The following RPAP2 variants were observed in gnomAD, a reference collection of about 807,000 sequenced individuals.
The protein encoded by RPAP2 is RNA polymerase II associated protein 2.
In RPAP2, 52 loss-of-function variants were observed where a neutral mutation model predicts 73.1. The ratio of observed to expected loss-of-function variants is 0.71; its 90% CI spans 0.57 to 0.90. RPAP2 has a LOEUF of 0.90. Among genes scored for constraint, RPAP2 ranks in the 40% least tolerant of loss-of-function variants. RPAP2 has a pLI of 0.00. For missense variants in RPAP2, 598 were observed against 701.8 expected (o/e 0.85, Z 1.67); for synonymous variants, 225 against 242.1 (o/e 0.93, Z 0.65).
chr1:92,356,585 A>ATTGTTTTTTTTT (rs763439308), intron 11 of RPAP2, among the ~76,000 whole-genome samples: 1 of 51,784 alleles, frequency 1.9e-5, no homozygotes, highest in African/African-American at 4.7e-5. Flanking sequence ...CTCCTGGCTA[A>ATTGTTTTTTTTT]TTTTTTTTTT....
chr1:92,355,063 T>A (rs1416400811), intron 11 of RPAP2, among the ~76,000 whole-genome samples: 1 of 151,988 alleles, frequency 6.6e-6, no homozygotes, highest in Non-Finnish European at 1.5e-5. Context: ...CATACCCAGC[T>A]AATTATTATT....
intron 11 of RPAP2, among the ~76,000 whole-genome samples, chr1:92,363,206 A>G (rs1027180205): frequency 6.6e-6 from 1 of 152,202 alleles, no homozygotes; most frequent in African/African-American, 2.4e-5. Context: ...TGATAAGGGT[A>G]GGAAAGAGAT....
chr1:92,299,229 TC>T, intron 1 of RPAP2, 83 bp downstream of exon 1: 1 of 819,318 alleles, frequency 1.2e-6, no homozygotes. Flanking sequence ...GCGCGGGCGC[TC>T]CTGAAAGGCT....
At chr1:92,365,256 G>A (rs1201427206) in intron 11 of RPAP2, among the ~76,000 whole-genome samples, 1 of 151,952 alleles carries the variant, frequency 6.6e-6, no homozygotes, top group African/African-American at 2.4e-5. Flanking sequence ...TTTACTATCC[G>A]ATTTCTTCCA....
At chr1:92,308,074 G>T (rs549541718) in intron 6 of RPAP2, among the ~76,000 whole-genome samples, 76 of 150,926 alleles carry the variant, frequency 5.0e-4, no homozygotes, top group African/African-American at 1.7e-3. Flanking sequence ...AAAAGCTCTG[G>T]CTCAAAAAAA....
intron 11 of RPAP2, among the ~76,000 whole-genome samples, chr1:92,356,491 T>G (rs1654467534): frequency 6.6e-6 from 1 of 151,766 alleles, no homozygotes; most frequent in Admixed American, 6.6e-5. Context: ...TGATCTTGGC[T>G]TACTGCAACC....
intron 8 of RPAP2, chr1:92,333,150 TAATA>T: frequency 2.2e-6 from 1 of 447,934 alleles, no homozygotes; most frequent in South Asian, 4.4e-5. Flanking sequence ...AAGGAGGTAT[TAATA>T]TCCCAATTAT....
At chr1:92,327,585 G>C (rs574381669) in intron 8 of RPAP2, among the ~76,000 whole-genome samples, 1 of 152,254 alleles carries the variant, frequency 6.6e-6, no homozygotes, top group South Asian at 2.1e-4. Context: ...GCAGATACTT[G>C]GTTGGTGAAT....
intron 8 of RPAP2, among the ~76,000 whole-genome samples, chr1:92,327,736 ATTG>A (rs1652719234): frequency 6.9e-6 from 1 of 145,346 alleles, no homozygotes; most frequent in Non-Finnish European, 1.5e-5. Context: ...TCATTGTCTT[ATTG>A]TTTTATAGGT....
chr1:92,316,692 A>G (rs1361005063), intron 6 of RPAP2, among the ~76,000 whole-genome samples: 2 of 152,182 alleles, frequency 1.3e-5, no homozygotes, highest in African/African-American at 4.8e-5. Flanking sequence ...AAATTGTGGG[A>G]AGATAATAGA....
intron 12 of RPAP2, among the ~76,000 whole-genome samples, chr1:92,386,658 T>A (rs747327575): frequency 1.3e-5 from 2 of 152,212 alleles, no homozygotes; most frequent in Non-Finnish European, 2.9e-5. Context: ...ACACAGTGTC[T>A]ACAACAGCTA....
intron 11 of RPAP2, among the ~76,000 whole-genome samples, chr1:92,365,960 A>C (rs908126842): frequency 2.3e-4 from 35 of 152,202 alleles, no homozygotes; most frequent in Admixed American, 2.3e-3. Context: ...GAAAGGTTGA[A>C]GACCAACAAG....
chr1:92,356,621 G>A (rs1654480325), intron 11 of RPAP2, among the ~76,000 whole-genome samples: 4 of 147,288 alleles, frequency 2.7e-5, no homozygotes, highest in Admixed American at 2.7e-4. Context: ...TTTTAGTAGA[G>A]ATGGGGTTTT....
intron 7 of RPAP2, among the ~76,000 whole-genome samples, chr1:92,322,428 C>T (rs1370215054): frequency 6.6e-6 from 1 of 151,216 alleles, no homozygotes; most frequent in Non-Finnish European, 1.5e-5. Flanking sequence ...CCTGTAATCC[C>T]AGCTACTTGG....
chr1:92,323,624 C>T lies in RPAP2; in HGVS notation c.704C>T (p.Ser235Leu). 1 of 1,613,974 alleles carries T rather than the reference C, an allele frequency of 6.2e-7. No homozygotes were observed. The highest frequency in any genetic ancestry group is 8.5e-7 in the Non-Finnish European group (1 of 1,179,976). Residue 235 changes from serine (S) to leucine (L), a missense_variant, in exon 8 of 13, where the codon TCA becomes TTA. Physicochemically the swap from Ser to Leu is moderately radical, Grantham distance 145. Transcript: ENST00000610020. ...ATTCTACCAGGAAACAGACCAAATT[C>T]AACAAATATTAGACCACAGCTGCAC... ...SSILPGNRPN[S>L]TNIRPQLHQK...
intron 5 of RPAP2, among the ~76,000 whole-genome samples, chr1:92,305,165 G>C (rs1000629903): frequency 6.6e-6 from 1 of 151,790 alleles, no homozygotes; most frequent in African/African-American, 2.4e-5. Flanking sequence ...GGGCGCCCTG[G>C]CTCAAGCCTG....
Position 92,324,010 on chromosome 1 carries a change from A to G in RPAP2, c.1090A>G (p.Arg364Gly), listed in dbSNP as rs755353360. The G allele has an allele frequency of 2.5e-6, 4 of 1,614,038 alleles. No individual in the cohort carries two copies. Among genetic ancestry groups the G allele is most frequent in the Admixed American group, 3.3e-5 (2 of 60,010 alleles). ...GCAGGTGTGTCCTGAAGTTGGAAAG[A>G]GAAACTTACTTAAAGTTTTGAAGGA... ...SVQVCPEVGK[R>G]NLLKVLKETL... The change falls in exon 8 of 13, where the codon AGA becomes GGA. Residue 364 changes from arginine to glycine, a missense_variant. By Grantham distance (125) the Arg-to-Gly change is moderately radical. This residue lies in a region of RPAP2 where 506 missense variants were observed against 612.8 expected (regional missense o/e 0.83). Coordinates refer to ENST00000610020, the MANE Select transcript of RPAP2 (RefSeq NM_024813.3).
At chr1:92,369,652 G>A (rs1281446292) in intron 11 of RPAP2, among the ~76,000 whole-genome samples, 1 of 152,062 alleles carries the variant, frequency 6.6e-6, no homozygotes, top group African/African-American at 2.4e-5. Context: ...TTGGAATAGA[G>A]GCTTGAGTCC....
chr1:92,335,911 AAAC>A (rs2101243709), intron 9 of RPAP2, among the ~76,000 whole-genome samples: 1 of 152,314 alleles, frequency 6.6e-6, no homozygotes, highest in East Asian at 1.9e-4. Flanking sequence ...AAACACATTT[AAAC>A]TGTTAATATA....
Sources: allele counts gnomAD v4.1 joint callset (sites outside exome capture counted in the v4.1 genomes callset), GRCh38; gene constraint gnomAD v4.1.1; regional missense constraint gnomAD v4.1.1; transcripts MANE v1.5; gene names NCBI Gene and HGNC (gene_info 2026-07-23, HGNC 2026-07-21).